ZNF813: variants seen among roughly 807,000 people sequenced by gnomAD.
ZNF813 encodes the protein zinc finger protein 813.
ZNF813 carries 3 observed loss-of-function variants against 7.2 expected under a neutral mutation model. That is an observed-to-expected ratio of 0.42 (90% CI 0.19 to 1.08). The LOEUF (loss-of-function observed/expected upper bound fraction) is 1.08, where lower values mean the gene tolerates loss of function less well. Ranked by LOEUF, ZNF813 falls within the 50% of genes least tolerant of loss-of-function variation. The pLI is 0.30. For synonymous variants in ZNF813, 227 were observed against 256.3 expected, an observed-to-expected ratio of 0.89 and a Z score of 1.09; for missense variants, 714 against 753.3, an observed-to-expected ratio of 0.95 and a Z score of 0.61.
rs2086482085 is a variant in ZNF813, at chr19:53,495,274, G to T, written c.*3188G>T. 6.6e-6 allele frequency: 1 copy of T among 152,004 alleles called. No homozygotes were observed. Among genetic ancestry groups the T allele is most frequent in the South Asian group, 2.1e-4 (1 of 4,806 alleles). 9.4% of individuals were successfully genotyped at this position (152,004 alleles called of 1,614,324 possible). On this transcript the variant is annotated 3_prime_UTR_variant, in exon 4 of 4. Transcript: ENST00000396403. ...GGTGTCTCGCTCTGTCTCCCAGGCT[G>T]GAATGCAGTGGTGCAATCTCGGCTC...
intron 3 of ZNF813, among the ~76,000 whole-genome samples, chr19:53,486,976 T>C (rs908812855): frequency 2.5e-5 from 2 of 80,866 alleles, no homozygotes; most frequent in African/African-American, 7.4e-5. Context: ...CCGGCTACTT[T>C]TTTAGTTTTT....
chr19:53,485,026 G>A (rs1422343327), intron 2 of ZNF813, among the ~76,000 whole-genome samples: 1 of 152,108 alleles, frequency 6.6e-6, no homozygotes, highest in Non-Finnish European at 1.5e-5. Context: ...GCCTCACTGG[G>A]GAGCCGCTAC....
At chr19:53,480,029 G>A in intron 1 of ZNF813, 1 of 763,048 alleles carries the variant, frequency 1.3e-6, no homozygotes, top group Non-Finnish European at 2.4e-6. Context: ...ATGCACCAAA[G>A]AGGAACACCT....
At chr19:53,487,275 A>T (rs1428495573) in intron 3 of ZNF813, among the ~76,000 whole-genome samples, 3 of 152,078 alleles carry the variant, frequency 2.0e-5, no homozygotes, top group Non-Finnish European at 2.9e-5. Context: ...GATGGAGAAG[A>T]CCTTACCATT....
intron 1 of ZNF813, among the ~76,000 whole-genome samples, chr19:53,470,265 A>C (rs1194675190): frequency 6.6e-6 from 1 of 152,166 alleles, no homozygotes; most frequent in Non-Finnish European, 1.5e-5. Context: ...GTTATGTTAT[A>C]ACTGTTCTCT....
Position 53,493,028 on chromosome 19 carries a change from G to A in ZNF813, c.*942G>A. On this transcript the variant is annotated 3_prime_UTR_variant, in exon 4 of 4. Coordinates refer to ENST00000396403, the MANE Select transcript of ZNF813 (RefSeq NM_001004301.4). ...TGCAGAATATCAGAAAATTCATTTT[G>A]AGATAATTGTTCCAAATGCAATGAG... 1 of 415,910 alleles carries A rather than the reference G, an allele frequency of 2.4e-6. No individual in the cohort carries two copies. Among genetic ancestry groups the A allele is most frequent in the South Asian group, 1.8e-5 (1 of 54,964 alleles). The allele number at this position is 415,910 out of a possible 1,614,324, so 25.8% of individuals were successfully genotyped here. A position where few individuals can be genotyped will look rare whatever the true frequency, so the allele number is the denominator to read the frequency against.
intron 1 of ZNF813, among the ~76,000 whole-genome samples, chr19:53,470,185 C>CCTTCCTTCCTTCCTTCCTTCCT (rs1568825797): frequency 2.6e-5 from 3 of 113,846 alleles, no homozygotes; most frequent in Non-Finnish European, 3.8e-5. Flanking sequence ...TTCTTTCTTT[C>CCTTCCTTCCTTCCTTCCTTCCT]TTTCACTCTT....
intron 2 of ZNF813, among the ~76,000 whole-genome samples, chr19:53,485,660 A>G (rs546343603): frequency 2.6e-5 from 4 of 151,834 alleles, no homozygotes; most frequent in South Asian, 2.1e-4. Context: ...TGACATATAT[A>G]CACATACACA....
In ZNF813 at chr19:53,490,854, G is replaced by A; in HGVS notation, c.622G>A (p.Val208Ile). Residue 208 changes from valine to isoleucine, a missense_variant, in exon 4 of 4, where the codon GTA becomes ATA. Around this residue, in one of 3 missense-constraint regions of ZNF813, gnomAD observed 563 missense variants for 554.2 expected, o/e 1.02. Transcript: ENST00000396403. ...NSSLLTQKQE[V>I]HMREKSFQCN... is the part of the protein sequence containing the mutation. The stretch of plus-strand genomic sequence containing the variant: ...TTCGTTACTCACACAAAAACAGGAG[G>A]TACACATGAGAGAAAAGTCTTTCCA... The A allele has an allele frequency of 6.2e-7, 1 of 1,614,156 alleles. No individual in the cohort carries two copies. The highest frequency in any genetic ancestry group is 8.5e-7 in the Non-Finnish European group (1 of 1,180,018).
chr19:53,476,368 C>T (rs912456400), intron 1 of ZNF813, among the ~76,000 whole-genome samples: 3 of 151,972 alleles, frequency 2.0e-5, no homozygotes, highest in Non-Finnish European at 2.9e-5. Flanking sequence ...TGGTGGCTCG[C>T]GCCTGTAATC....
At chr19:53,477,204 G>A (rs1040739447) in intron 1 of ZNF813, among the ~76,000 whole-genome samples, 2 of 152,144 alleles carry the variant, frequency 1.3e-5, no homozygotes, top group Non-Finnish European at 2.9e-5. Flanking sequence ...TCTTGCACCA[G>A]CCTATATTCA....
intron 1 of ZNF813, among the ~76,000 whole-genome samples, chr19:53,479,085 C>A (rs2086395191): frequency 6.6e-6 from 1 of 152,036 alleles, no homozygotes; most frequent in African/African-American, 2.4e-5. Context: ...CAGGCCCACG[C>A]CACCACACCA....
chr19:53,490,605 C>A lies in ZNF813; in HGVS notation c.373C>A (p.Arg125=). The change falls in exon 4 of 4, where the codon CGA becomes AGA. Residue 125 remains arginine (R), a synonymous_variant. Transcript: ENST00000396403. ...CAAAAAGTTGACTGGTAGTGCAGAC[C>A]GATATGATCAAAGGCATGCTGGAAA... The part of the protein sequence containing the change: ...EIKKLTGSAD[R]YDQRHAGNKP... 1 of 1,614,092 alleles carries A rather than the reference C, an allele frequency of 6.2e-7. No homozygotes were observed. Among genetic ancestry groups the A allele is most frequent in the Admixed American group, 1.7e-5 (1 of 60,026 alleles).
At chr19:53,487,568 C>T (rs896026424) in intron 3 of ZNF813, among the ~76,000 whole-genome samples, 1 of 152,084 alleles carries the variant, frequency 6.6e-6, no homozygotes. Flanking sequence ...GAGGCCAAGG[C>T]AGGCAAATCA....
chr19:53,489,196 G>A (rs374352189), intron 3 of ZNF813, among the ~76,000 whole-genome samples: 8 of 152,140 alleles, frequency 5.3e-5, no homozygotes, highest in East Asian at 3.9e-4. Context: ...TAGTAGAGAC[G>A]GGGTTTCTCC....
At chr19:53,476,676 C>T (rs148487953) in intron 1 of ZNF813, among the ~76,000 whole-genome samples, 205 of 151,506 alleles carry the variant, frequency 1.4e-3, no homozygotes, top group African/African-American at 4.5e-3. Context: ...TTGTTTGAGA[C>T]GGAGTCTCAC....
At chr19:53,485,440 A>G (rs1372646326) in intron 2 of ZNF813, among the ~76,000 whole-genome samples, 3 of 152,236 alleles carry the variant, frequency 2.0e-5, no homozygotes, top group African/African-American at 7.2e-5. Flanking sequence ...ACAAATGTAT[A>G]TATTTTGAAC....
intron 1 of ZNF813, among the ~76,000 whole-genome samples, chr19:53,472,812 A>T (rs1054230236): frequency 4.6e-5 from 7 of 151,884 alleles, no homozygotes; most frequent in Non-Finnish European, 7.4e-5. Flanking sequence ...GGGTTGTTCC[A>T]TGTTGGTGTG....
At chr19:53,478,695 T>C (rs1262140484) in intron 1 of ZNF813, among the ~76,000 whole-genome samples, 1 of 152,064 alleles carries the variant, frequency 6.6e-6, no homozygotes, top group African/African-American at 2.4e-5. Context: ...CAAGAATCGC[T>C]TAAACCTGGG....
Sources: gnomAD v4.1 joint callset for allele counts (sites outside exome capture counted in the v4.1 genomes callset) on GRCh38, gnomAD v4.1.1 for gene constraint, gnomAD v4.1.1 regional missense constraint, MANE v1.5 for transcripts, NCBI Gene and HGNC (gene_info 2026-07-23, HGNC 2026-07-21) for gene names.